The following FBXL5 variants were observed in gnomAD, a reference collection of about 807,000 sequenced individuals.
FBXL5 encodes F-box/LRR-repeat protein 5.
In FBXL5, 26 loss-of-function variants were observed where a neutral mutation model predicts 78.3. The ratio of observed to expected loss-of-function variants is 0.33; its 90% confidence interval spans 0.24 to 0.46. The LOEUF (loss-of-function observed/expected upper bound fraction) is 0.46. FBXL5 is among the 20% of genes least tolerant of loss of function. The probability of loss-of-function intolerance (pLI) is 1.00; values close to 1 mark genes in which losing one functional copy is unlikely to be tolerated. For missense variants in FBXL5, 710 were observed against 829.2 expected (o/e 0.86, Z 1.77); for synonymous variants, 295 against 282.5 (o/e 1.04, Z -0.45).
chr4:15,638,993 C>T (rs1391352429), intron 3 of FBXL5, among the ~76,000 whole-genome samples: 2 of 152,018 alleles, frequency 1.3e-5, no homozygotes, highest in East Asian at 1.9e-4. Flanking sequence ...AGAAAAACGC[C>T]ATCTCTACTA....
rs748050858 is a variant in FBXL5, at chr4:15,604,593, G to A, written c.*1130C>T. On this transcript the variant is annotated 3_prime_UTR_variant, in exon 11 of 11. Coordinates refer to ENST00000341285, the MANE Select transcript of FBXL5 (RefSeq NM_012161.4). ...CACCAATAGACTGGCTCAACGCAGA[G>A]TTGCCATAAACCTTCCATTTGTAAA... 1 of 152,188 alleles carries A rather than the reference G, an allele frequency of 6.6e-6. No individual in the cohort carries two copies. The highest frequency in any genetic ancestry group is 1.5e-5 in the Non-Finnish European group (1 of 68,036). The allele number at this position is 152,188 out of a possible 1,614,324, so 9.4% of individuals were successfully genotyped here. A position where few individuals can be genotyped will look rare whatever the true frequency, so the allele number is the denominator to read the frequency against.
At chr4:15,676,201 A>G (rs1717986238) in intron 1 of FBXL5, among the ~76,000 whole-genome samples, 1 of 152,240 alleles carries the variant, frequency 6.6e-6, no homozygotes, top group South Asian at 2.1e-4. Flanking sequence ...TTTCAAAAAT[A>G]TTATTGAAGC....
In FBXL5 at chr4:15,644,547, G is replaced by A; in HGVS notation, c.246C>T (p.Asp82=). ...GGCTAAGCATCTCGGAGAGTTTATT[G>A]TCAGAATGTACATTATAAATGGTCT... ...RSQTIYNVHS[D]NKLSEMLSLF... Residue 82 remains aspartate (D), a synonymous_variant, in exon 2 of 11, where the codon GAC becomes GAT. Transcript: ENST00000341285. The A allele has an allele frequency of 6.2e-7, 1 of 1,613,976 alleles. No homozygotes were observed. Among genetic ancestry groups the A allele is most frequent in the Non-Finnish European group, 8.5e-7 (1 of 1,179,962 alleles).
intron 2 of FBXL5, among the ~76,000 whole-genome samples, chr4:15,643,393 T>G (rs1229864537): frequency 6.6e-6 from 1 of 152,206 alleles, no homozygotes; most frequent in African/African-American, 2.4e-5. Context: ...GGAAATAAAC[T>G]AAGATCAAAT....
At chr4:15,645,760 T>C (rs1458894060) in intron 1 of FBXL5, among the ~76,000 whole-genome samples, 1 of 152,214 alleles carries the variant, frequency 6.6e-6, no homozygotes, top group Non-Finnish European at 1.5e-5. Context: ...ATCTTGATGT[T>C]AAATGGATAT....
upstream of FBXL5, chr4:15,656,470 A>G: frequency 2.9e-6 from 1 of 346,212 alleles, no homozygotes; most frequent in South Asian, 2.2e-5. Flanking sequence ...CTTGTTCTCT[A>G]TTATCTATCA....
rs912530823 is a variant in FBXL5 at position 15,625,423 on chromosome 4, A to G, written c.1679T>C (p.Met560Thr). Reference protein sequence around the residue: ...FCCTGTALRTMSSLPESSAMC... With the variant: ...FCCTGTALRTTSSLPESSAMC... ...TGCAGAAGATTCTGGGAGTGATGAC[A>G]TAGTTCTTAAAGCTGTTCCTGTACA... is the stretch of plus-strand genomic sequence containing the variant. Residue 560 changes from methionine (M) to threonine (T), a missense_variant, in exon 9 of 11, where the codon ATG (methionine) becomes ACG (threonine). Transcript: ENST00000341285. 16 of 1,614,034 alleles carry G rather than the reference A, an allele frequency of 9.9e-6. No homozygotes were observed. In the East Asian group the frequency reaches 3.1e-4, roughly 31 times the overall value.
intron 5 of FBXL5, among the ~76,000 whole-genome samples, chr4:15,634,895 CAT>C (rs1714087419): frequency 6.6e-6 from 1 of 151,890 alleles, no homozygotes; most frequent in South Asian, 2.1e-4. Flanking sequence ...TTTCTGCATC[CAT>C]GTTTGCCTTT....
intron 3 of FBXL5, 119 bp downstream of exon 3, chr4:15,640,669 C>T (rs1426880993): frequency 1.7e-5 from 8 of 474,590 alleles, no homozygotes; most frequent in Admixed American, 3.9e-5. Context: ...AAAAGAACTG[C>T]GTTCTTCTCT....
intron 9 of FBXL5, among the ~76,000 whole-genome samples, chr4:15,616,295 T>C (rs916978766): frequency 2.6e-5 from 4 of 152,352 alleles, no homozygotes; most frequent in South Asian, 2.1e-4. Flanking sequence ...TGGCTGCCTC[T>C]GCTCTGTCAT....
intron 1 of FBXL5, among the ~76,000 whole-genome samples, chr4:15,647,171 C>T (rs1317758537): frequency 2.3e-5 from 3 of 128,014 alleles, no homozygotes; most frequent in South Asian, 2.4e-4. Context: ...TGCAGTGAGC[C>T]GAGATCATGC....
intron 9 of FBXL5, among the ~76,000 whole-genome samples, chr4:15,619,432 T>C (rs1321633086): frequency 6.6e-6 from 1 of 152,100 alleles, no homozygotes; most frequent in Non-Finnish European, 1.5e-5. Flanking sequence ...AAAAAAATGA[T>C]CATCTCAACT....
In FBXL5 at chr4:15,625,957, C is replaced by A; in HGVS notation, c.1145G>T (p.Cys382Phe). The A allele has an allele frequency of 6.3e-7, 1 of 1,587,874 alleles. No individual in the cohort carries two copies. Among genetic ancestry groups the A allele is most frequent in the Non-Finnish European group, 8.5e-7 (1 of 1,171,014 alleles). Residue 382 changes from cysteine (C) to phenylalanine (F), a missense_variant, in exon 9 of 11, where the codon TGC becomes TTC. Physicochemically the swap from Cys to Phe is radical, Grantham distance 205. Transcript: ENST00000341285. ...AFDSWSWLGCCQSLRHLDLSG... is the reference protein window; with the variant it reads ...AFDSWSWLGCFQSLRHLDLSG... ...CAGATCAAGATGCCGAAGACTCTGG[C>A]AGCAACCAAGCCAAGACCAACTATA...
intron 2 of FBXL5, among the ~76,000 whole-genome samples, chr4:15,641,901 C>T (rs192662673): frequency 5.3e-4 from 81 of 152,082 alleles, no homozygotes; most frequent in Admixed American, 2.9e-3. Flanking sequence ...ATGATGGGCA[C>T]CTGTAATCCC....
At chr4:15,643,309 T>G (rs1395429819) in intron 2 of FBXL5, among the ~76,000 whole-genome samples, 1 of 152,218 alleles carries the variant, frequency 6.6e-6, no homozygotes, top group Non-Finnish European at 1.5e-5. Context: ...TTCCAGAACA[T>G]AAATCTCCAG....
At position 15,645,631 on chromosome 4, in the gene FBXL5, C is replaced by T. The variant is rs958151085; in HGVS notation, c.85-923G>A. On this transcript the variant is annotated intron_variant, in intron 1 of 10. Transcript: ENST00000341285. ...TTTAGCAGAGATGGGGTTTCACCAT[C>T]TTGGCCAGGCTGGTCTTGAACTCCT... Among the ~76,000 whole-genome samples the T allele has an allele frequency of 2.0e-5, 3 of 151,744 alleles. No individual in the cohort carries two copies. The East Asian group carries it at 5.8e-4, about 29-fold the overall frequency.
upstream of FBXL5, among the ~76,000 whole-genome samples, chr4:15,660,523 G>T (rs919613099): frequency 2.0e-5 from 3 of 152,164 alleles, no homozygotes; most frequent in African/African-American, 7.2e-5. Context: ...CTGACCAATA[G>T]CCTGGCTAAT....
intron 1 of FBXL5, among the ~76,000 whole-genome samples, chr4:15,650,185 C>T (rs953433227): frequency 3.3e-5 from 5 of 152,126 alleles, no homozygotes; most frequent in South Asian, 2.1e-4. Context: ...CATCCTACAA[C>T]GCACAGGACA....
chr4:15,679,115 T>G (rs1283365080), intron 1 of FBXL5, among the ~76,000 whole-genome samples: 1 of 145,912 alleles, frequency 6.9e-6, no homozygotes, highest in Non-Finnish European at 1.5e-5. Context: ...CAGGCTGGAG[T>G]GCAGCGGCGT....
Sources: gnomAD v4.1 joint callset for allele counts (sites outside exome capture counted in the v4.1 genomes callset) on GRCh38, gnomAD v4.1.1 for gene constraint, MANE v1.5 for transcripts, NCBI Gene and HGNC (gene_info 2026-07-23, HGNC 2026-07-21) for gene names.